Variants in RBFOX3 observed in about 807,000 individuals in gnomAD.
RBFOX3 encodes the protein RNA binding fox-1 homolog 3, also known as RNA binding protein fox-1 homolog 3.
In RBFOX3, 17 loss-of-function variants were observed where a neutral mutation model predicts 48.7. The observed-to-expected ratio is 0.35, with a 90% CI of 0.24 to 0.52. The LOEUF (loss-of-function observed/expected upper bound fraction) is 0.52. Among genes scored for constraint, RBFOX3 ranks in the 20% least tolerant of loss-of-function variants. The pLI, the probability that RBFOX3 is intolerant of heterozygous loss-of-function variation, is 0.94. For synonymous variants in RBFOX3, 212 were observed against 209.5 expected (o/e 1.01, Z -0.10); for missense variants, 382 against 497.5 (o/e 0.77, Z 2.21).
intron 2 of RBFOX3, among the ~76,000 whole-genome samples, chr17:79,339,529 G>A (rs1487132179): frequency 1.3e-5 from 2 of 152,228 alleles, no homozygotes; most frequent in Non-Finnish European, 2.9e-5. Flanking sequence ...TGGGAGGGAA[G>A]GAGGAAGTGG....
rs141164692 is a variant in RBFOX3, at chr17:79,362,874, G to A, written c.-174-55050C>T. Among the ~76,000 whole-genome samples, 5 of 152,208 alleles carry A rather than the reference G, an allele frequency of 3.3e-5. No individual in the cohort carries two copies. The highest frequency in any genetic ancestry group is 2.1e-4 in the South Asian group (1 of 4,820). ...GGCTCTGTGTGCAGACCTCATTCTC[G>A]GACACTTCGAGGCCACACAGGTGTG... On this transcript the variant is annotated intron_variant, in intron 2 of 14. Coordinates refer to ENST00000693108, the MANE Select transcript of RBFOX3 (RefSeq NM_001350451.2). The surrounding 1 kb of genome is among the most constrained non-coding windows in gnomAD (Gnocchi z 4.2).
chr17:79,256,815 G>T (rs562855411), intron 3 of RBFOX3, among the ~76,000 whole-genome samples: 7 of 152,066 alleles, frequency 4.6e-5, no homozygotes, highest in East Asian at 1.9e-4. Flanking sequence ...ATCTACTCGT[G>T]GGGGGCTGAG....
rs1226722084 is a variant in RBFOX3 at position 79,115,536 on chromosome 17, G to A, written c.180C>T (p.Ser60=). ...CGGCGATGGGCTGTGTGCTGGCCTC[G>A]GAGCCTGGCTGCTCGGGGTGGGTCT... ...PAQTHPEQPG[S]EASTQPIAGT... The change falls in exon 5 of 15, where the codon TCC becomes TCT. Residue 60 remains serine (S), a synonymous_variant. Transcript: ENST00000693108. 1.3e-5 allele frequency: 18 copies of A among 1,343,686 alleles called. No homozygotes were observed. The highest frequency in any genetic ancestry group is 3.0e-5 in the East Asian group (1 of 32,818). The allele number at this position is 1,343,686 out of a possible 1,614,324, so 83.2% of individuals were successfully genotyped here.
intron 2 of RBFOX3, among the ~76,000 whole-genome samples, chr17:79,386,681 C>G (rs2060608853): frequency 6.6e-6 from 1 of 152,226 alleles, no homozygotes; most frequent in African/African-American, 2.4e-5. Context: ...TCCTTCCCCA[C>G]CCGACATCTT....
chr17:79,173,302 T>C (rs1357731278), intron 4 of RBFOX3, among the ~76,000 whole-genome samples: 1 of 152,240 alleles, frequency 6.6e-6, no homozygotes, highest in Non-Finnish European at 1.5e-5. Flanking sequence ...TTTGACAGCG[T>C]TGCTTTGGAG....
intron 1 of RBFOX3, among the ~76,000 whole-genome samples, chr17:79,497,824 G>T (rs1345431337): frequency 6.6e-6 from 1 of 152,204 alleles, no homozygotes; most frequent in Non-Finnish European, 1.5e-5. Context: ...ACCCCAGCAG[G>T]GACTAAGCCA....
intron 1 of RBFOX3, among the ~76,000 whole-genome samples, chr17:79,534,973 G>C (rs890250566): frequency 3.3e-5 from 5 of 152,252 alleles, no homozygotes; most frequent in African/African-American, 1.2e-4. Context: ...CTGCCATGTG[G>C]GCAGCTCTCA....
chr17:79,428,650 C>T (rs55892214), intron 2 of RBFOX3, among the ~76,000 whole-genome samples: 16,142 of 152,218 alleles, frequency 0.11, 1,389 homozygotes, highest in East Asian at 0.41. Flanking sequence ...ATTTCACAGA[C>T]GCCCACGTCC....
At chr17:79,552,269 G>A (rs1270068035) in intron 1 of RBFOX3, among the ~76,000 whole-genome samples, 1 of 152,154 alleles carries the variant, frequency 6.6e-6, no homozygotes, top group Non-Finnish European at 1.5e-5. Flanking sequence ...AGGCCTGTAT[G>A]CTATGGAAAA....
intron 1 of RBFOX3, among the ~76,000 whole-genome samples, chr17:79,489,438 G>T (rs1232972112): frequency 6.6e-6 from 1 of 152,126 alleles, no homozygotes; most frequent in African/African-American, 2.4e-5. Flanking sequence ...GGGACTACAG[G>T]TGTGCGCCAC....
chr17:79,170,753 T>C (rs776422983), intron 4 of RBFOX3, among the ~76,000 whole-genome samples: 1 of 152,212 alleles, frequency 6.6e-6, no homozygotes. Flanking sequence ...CTTGTAAATC[T>C]GATCCTCACT....
chr17:79,119,940 A>G (rs2035237894), intron 4 of RBFOX3, among the ~76,000 whole-genome samples: 1 of 152,206 alleles, frequency 6.6e-6, no homozygotes, highest in Non-Finnish European at 1.5e-5. Context: ...CCCAGACCAG[A>G]AAAGCAAAGT....
chr17:79,355,035 C>A (rs2084702257), intron 2 of RBFOX3, among the ~76,000 whole-genome samples: 1 of 152,194 alleles, frequency 6.6e-6, no homozygotes, highest in Non-Finnish European at 1.5e-5. Flanking sequence ...GGGGACTCTT[C>A]CCACCGGCCT....
At chr17:79,617,386 G>A in the RBFOX3 span, among the ~76,000 whole-genome samples, 1 of 151,742 alleles carries the variant, frequency 6.6e-6, no homozygotes, top group South Asian at 2.1e-4. Context: ...GCCTTCCCTC[G>A]ATCACAAGCA....
intron 3 of RBFOX3, among the ~76,000 whole-genome samples, chr17:79,274,710 C>G (rs971061260): frequency 1.3e-5 from 2 of 152,050 alleles, no homozygotes; most frequent in Non-Finnish European, 2.9e-5. Context: ...CTGGCTCACT[C>G]CCCGCTACTG....
chr17:79,487,295 A>C (rs1295918437), intron 1 of RBFOX3, among the ~76,000 whole-genome samples: 1 of 152,248 alleles, frequency 6.6e-6, no homozygotes, highest in African/African-American at 2.4e-5. Flanking sequence ...CAGAGAAGGC[A>C]GAAGTCAGAT....
chr17:79,503,125 C>T (rs956753814), intron 1 of RBFOX3, among the ~76,000 whole-genome samples: 2 of 152,182 alleles, frequency 1.3e-5, no homozygotes, highest in Non-Finnish European at 2.9e-5. Context: ...GAACAGGCTC[C>T]CTGGTGTCTC....
chr17:79,434,085 AC>A (rs1555729804), intron 2 of RBFOX3, among the ~76,000 whole-genome samples: 2 of 152,114 alleles, frequency 1.3e-5, no homozygotes, highest in South Asian at 2.1e-4. Flanking sequence ...TAAACAGTGA[AC>A]CCCCCAACGG....
At chr17:79,180,581 T>C (rs2045663) in intron 4 of RBFOX3, among the ~76,000 whole-genome samples, 109,371 of 152,118 alleles carry the variant, frequency 0.72, 40,444 homozygotes, top group African/African-American at 0.9. Context: ...CCTCCTCCTG[T>C]GGCCTTTACC....
Sources: gnomAD v4.1 joint callset for allele counts (sites outside exome capture counted in the v4.1 genomes callset) on GRCh38, gnomAD v4.1.1 for gene constraint, Gnocchi (gnomAD v3.1) non-coding constraint, MANE v1.5 for transcripts, NCBI Gene and HGNC (gene_info 2026-07-23, HGNC 2026-07-21) for gene names.